The following NRXN3 variants were observed in gnomAD, a reference collection of about 807,000 sequenced individuals.
NRXN3 encodes neurexin III.
A neutral mutation model predicts 137.6 loss-of-function variants in NRXN3; 32 were observed. The observed-to-expected ratio is 0.23, with a 90% CI of 0.18 to 0.31. The LOEUF (loss-of-function observed/expected upper bound fraction) is 0.31. Among genes scored for constraint, NRXN3 ranks in the 10% least tolerant of loss-of-function variants. The probability of loss-of-function intolerance (pLI) is 1.00; values close to 1 mark genes in which losing one functional copy is unlikely to be tolerated. For missense variants in NRXN3, 1,574 were observed against 2,062.5 expected (o/e 0.76, Z 4.59); for synonymous variants, 798 against 784.5 (o/e 1.02, Z -0.29).
intron 8 of NRXN3, among the ~76,000 whole-genome samples, chr14:78,778,518 A>G (rs1292242249): frequency 2.0e-5 from 3 of 152,214 alleles, no homozygotes; most frequent in Non-Finnish European, 2.9e-5. Flanking sequence ...TTCCTAAAGC[A>G]GATCTGAAAT....
intron 20 of NRXN3, among the ~76,000 whole-genome samples, chr14:79,806,962 A>ATTTTTTTTTTTT (rs35028709): frequency 3.8e-5 from 1 of 26,356 alleles, no homozygotes; most frequent in Non-Finnish European, 6.4e-5. Context: ...ATATATATAT[A>ATTTTTTTTTTTT]TTTTTTTTTT....
At chr14:78,590,168 G>A (rs1566829212) in intron 4 of NRXN3, among the ~76,000 whole-genome samples, 1 of 152,294 alleles carries the variant, frequency 6.6e-6, no homozygotes, top group South Asian at 2.1e-4. Flanking sequence ...GGTGCTCTTT[G>A]TGGTGTAGAA....
chr14:78,279,049 A>G (rs927205581), intron 3 of NRXN3, among the ~76,000 whole-genome samples: 2 of 152,236 alleles, frequency 1.3e-5, no homozygotes, highest in Non-Finnish European at 2.9e-5. Flanking sequence ...TTGAAAGCAG[A>G]AGATATGACA....
chr14:78,805,600 GAAA>G (rs201107127), intron 9 of NRXN3, among the ~76,000 whole-genome samples: 1 of 92,790 alleles, frequency 1.1e-5, no homozygotes, highest in African/African-American at 3.5e-5. Context: ...AAAAACAACA[GAAA>G]AAAAAAAAAA....
chr14:79,300,329 A>G (rs1024821568), intron 15 of NRXN3, among the ~76,000 whole-genome samples: 5 of 152,112 alleles, frequency 3.3e-5, no homozygotes, highest in Admixed American at 2.6e-4. Flanking sequence ...GCTACAAAAC[A>G]AACAACACTA....
At chr14:79,555,769 T>C (rs570825470) in intron 16 of NRXN3, among the ~76,000 whole-genome samples, 11 of 152,180 alleles carry the variant, frequency 7.2e-5, no homozygotes, top group Non-Finnish European at 1.6e-4. Flanking sequence ...GCTAGTGCTA[T>C]TTCATTGTTG....
At chr14:79,684,839 G>A (rs2098688473) in intron 17 of NRXN3, among the ~76,000 whole-genome samples, 1 of 152,118 alleles carries the variant, frequency 6.6e-6, no homozygotes. Flanking sequence ...GGGAGGAAGA[G>A]GGTAGATAGA....
At chr14:79,839,134 T>TA (rs1385098548) in intron 20 of NRXN3, among the ~76,000 whole-genome samples, 1 of 151,902 alleles carries the variant, frequency 6.6e-6, no homozygotes, top group Non-Finnish European at 1.5e-5. Flanking sequence ...AAGCAGAGGG[T>TA]ACTTTCTTAT....
chr14:78,495,139 G>GTA (rs1491306903), intron 4 of NRXN3, among the ~76,000 whole-genome samples: 2 of 770 alleles, frequency 2.6e-3, no homozygotes, highest in Non-Finnish European at 0.012. Flanking sequence ...GTGTGCGTGC[G>GTA]TGTGTGTGTG....
chr14:78,852,440 T>C (rs925521778), intron 10 of NRXN3, among the ~76,000 whole-genome samples: 5 of 152,206 alleles, frequency 3.3e-5, no homozygotes, highest in African/African-American at 2.4e-5. Context: ...TTTTTGAGTG[T>C]AAAAATTCTG....
At chr14:78,956,185 T>C (rs2099396499) in intron 10 of NRXN3, among the ~76,000 whole-genome samples, 1 of 152,194 alleles carries the variant, frequency 6.6e-6, no homozygotes. Flanking sequence ...TCCAAAAATA[T>C]TTAATCAGCG....
chr14:79,340,461 C>CGTAT lies in NRXN3; in HGVS notation c.3263-126745_3263-126742dup, dbSNP rs199816846. 6.4e-3 allele frequency among the ~76,000 whole-genome samples: 972 copies of CGTAT among 152,042 alleles called. 12 individuals carry two copies. Among genetic ancestry groups the CGTAT allele is most frequent in the African/African-American group, 0.023 (939 of 41,468 alleles). ...AATTGGATATTTGACTTTTTATTTA[C>CGTAT]GTATGTATGTATGTATGTTTTGAGA... On this transcript the variant is annotated intron_variant, in intron 15 of 20. Transcript: ENST00000335750.
rs12433052 is a variant in NRXN3, at chr14:79,042,289, T to C, written c.3262+54148T>C. Among the ~76,000 whole-genome samples, 631 of 152,320 alleles carry C rather than the reference T, an allele frequency of 4.1e-3. 25 individuals carry two copies. Among genetic ancestry groups the C allele is most frequent in the Admixed American group, 0.038 (582 of 15,298 alleles). ...GGCTAGGCTGATGGCTTTTTCTCCA[T>C]TAAGCAGTAAACACGTTAAGCAAGC... On this transcript the variant is annotated intron_variant, in intron 15 of 20. Coordinates refer to ENST00000335750, the MANE Select transcript of NRXN3 (RefSeq NM_001330195.2).
intron 19 of NRXN3, among the ~76,000 whole-genome samples, chr14:79,738,348 CACACACAG>C (rs1231471279): frequency 7.4e-4 from 111 of 150,278 alleles, no homozygotes; most frequent in Middle Eastern, 6.8e-3. Flanking sequence ...CACACACACA[CACACACAG>C]AGGAGAAGGT....
chr14:79,085,135 A>G (rs2047861466), intron 15 of NRXN3, among the ~76,000 whole-genome samples: 1 of 152,074 alleles, frequency 6.6e-6, no homozygotes, highest in East Asian at 1.9e-4. Context: ...ACTTATTTGA[A>G]TTGTATTTGT....
At chr14:78,233,657 G>A (rs1470620131) in intron 1 of NRXN3, among the ~76,000 whole-genome samples, 3 of 147,680 alleles carry the variant, frequency 2.0e-5, no homozygotes, top group Admixed American at 1.4e-4. Context: ...TAGAGAAACC[G>A]TGGGATCTTT....
chr14:78,327,048 A>G (rs991430581), intron 4 of NRXN3, among the ~76,000 whole-genome samples: 5 of 152,210 alleles, frequency 3.3e-5, no homozygotes, highest in African/African-American at 1.2e-4. Context: ...AGTACTTACA[A>G]GAATACTTGG....
intron 15 of NRXN3, among the ~76,000 whole-genome samples, chr14:79,421,728 G>T (rs764296603): frequency 2.6e-5 from 4 of 152,146 alleles, no homozygotes; most frequent in Non-Finnish European, 5.9e-5. Flanking sequence ...ATAAGGATCA[G>T]GCAGGTGCAA....
At chr14:78,220,624 C>T (rs569850084) in intron 1 of NRXN3, among the ~76,000 whole-genome samples, 2 of 151,996 alleles carry the variant, frequency 1.3e-5, no homozygotes, top group African/African-American at 4.8e-5. Context: ...GGGAAGAGTC[C>T]CGTTTTCTTT....
Sources: gnomAD v4.1 joint callset for allele counts (sites outside exome capture counted in the v4.1 genomes callset) on GRCh38, gnomAD v4.1.1 for gene constraint, MANE v1.5 for transcripts, NCBI Gene and HGNC (gene_info 2026-07-23, HGNC 2026-07-21) for gene names.